Variants in DYM observed in about 807,000 individuals in gnomAD.
The protein encoded by DYM is dyggve-Melchior-Clausen syndrome protein.
In DYM, 78 loss-of-function variants were observed where a neutral mutation model predicts 93.1. The ratio of observed to expected loss-of-function variants is 0.84; its 90% confidence interval spans 0.70 to 1.01. The LOEUF (loss-of-function observed/expected upper bound fraction) is 1.01. Among genes scored for constraint, DYM ranks in the 50% least tolerant of loss-of-function variants. DYM has a pLI of 0.00. For missense variants in DYM, 789 were observed against 845.0 expected (o/e 0.93, Z 0.82); for synonymous variants, 321 against 319.7 (o/e 1.00, Z -0.04).
At chr18:49,210,518 A>G (rs933761566) in intron 13 of DYM, among the ~76,000 whole-genome samples, 2 of 152,226 alleles carry the variant, frequency 1.3e-5, no homozygotes, top group Non-Finnish European at 2.9e-5. Context: ...GGAGACAGCA[A>G]AAAGATTAGG....
At chr18:49,108,463 T>A (rs1047980426) in intron 16 of DYM, among the ~76,000 whole-genome samples, 1 of 152,226 alleles carries the variant, frequency 6.6e-6, no homozygotes, top group Non-Finnish European at 1.5e-5. Flanking sequence ...GTATCTCAGT[T>A]GGAAATGCAG....
At chr18:49,101,531 A>G (rs1285058567) in intron 16 of DYM, among the ~76,000 whole-genome samples, 3 of 152,186 alleles carry the variant, frequency 2.0e-5, no homozygotes, top group Non-Finnish European at 4.4e-5. Context: ...TAGAAATGAG[A>G]AGCTTTTCTG....
chr18:49,138,024 C>G (rs2144315758), intron 15 of DYM, among the ~76,000 whole-genome samples: 1 of 152,144 alleles, frequency 6.6e-6, no homozygotes, highest in African/African-American at 2.4e-5. Flanking sequence ...AGTATAAAAC[C>G]AATGTGTGTA....
At chr18:49,123,203 T>C (rs1482671652) in intron 15 of DYM, among the ~76,000 whole-genome samples, 1 of 152,202 alleles carries the variant, frequency 6.6e-6, no homozygotes, top group African/African-American at 2.4e-5. Flanking sequence ...CTATTGTTAA[T>C]TTCCGCATGT....
At chr18:49,272,403 C>G in intron 10 of DYM, 100 bp from the exon 11 acceptor site, 1 of 840,140 alleles carries the variant, frequency 1.2e-6, no homozygotes, top group Non-Finnish European at 1.9e-6. Context: ...GCTTTAATAT[C>G]AGTTATATTT....
At chr18:49,195,872 C>A (rs2091389294) in intron 14 of DYM, among the ~76,000 whole-genome samples, 1 of 149,664 alleles carries the variant, frequency 6.7e-6, no homozygotes, top group East Asian at 1.9e-4. Flanking sequence ...AGAACTACAA[C>A]CAAATACTTC....
At chr18:49,268,654 G>C (rs1397905285) in intron 11 of DYM, among the ~76,000 whole-genome samples, 1 of 152,036 alleles carries the variant, frequency 6.6e-6, no homozygotes, top group African/African-American at 2.4e-5. Context: ...TGATTATTTT[G>C]TTATTGCTGC....
intron 14 of DYM, among the ~76,000 whole-genome samples, chr18:49,184,177 G>T (rs1167239270): frequency 6.6e-6 from 1 of 152,060 alleles, no homozygotes; most frequent in Non-Finnish European, 1.5e-5. Context: ...GCAAGTTAGG[G>T]CTCTTGGGTC....
intron 8 of DYM, among the ~76,000 whole-genome samples, chr18:49,309,961 T>A (rs888005508): frequency 1.3e-5 from 2 of 152,294 alleles, no homozygotes; most frequent in East Asian, 3.9e-4. Flanking sequence ...AACATAATGG[T>A]TCAGTGTATA....
rs146709486 is a variant in DYM at position 49,078,493 on chromosome 18, T to C, written c.2025+18909A>G. 1.8e-4 allele frequency among the ~76,000 whole-genome samples: 28 copies of C among 152,278 alleles called. No homozygotes were observed. In the East Asian group the frequency reaches 2.5e-3, roughly 14 times the overall value. On this transcript the variant is annotated intron_variant, in intron 17 of 17. Coordinates refer to ENST00000675505, the MANE Select transcript of DYM (RefSeq NM_001353214.3). ...TCCTATATACTATAGTTGTTATATA[T>C]ACATCTACATAGATTATAAATCCTA... is the stretch of plus-strand genomic sequence containing the variant.
intron 14 of DYM, among the ~76,000 whole-genome samples, chr18:49,183,894 ATC>A (rs529449094): frequency 2.0e-5 from 3 of 152,002 alleles, no homozygotes; most frequent in Non-Finnish European, 4.4e-5. Context: ...GACACCACAG[ATC>A]TCTCTCTCTG....
intron 5 of DYM, among the ~76,000 whole-genome samples, chr18:49,368,189 A>G (rs2066684599): frequency 1.3e-5 from 2 of 152,196 alleles, no homozygotes; most frequent in African/African-American, 2.4e-5. Flanking sequence ...TCAAACAGAA[A>G]TGTTTCTAAT....
intron 14 of DYM, among the ~76,000 whole-genome samples, chr18:49,166,989 CGTGTGTGTGTGTGTGT>C (rs61299099): frequency 4.4e-4 from 62 of 142,026 alleles, no homozygotes; most frequent in South Asian, 9.8e-4. Context: ...TCTCACATTC[CGTGTGTGTGTGTGTGT>C]GTGTGTGTGT....
chr18:49,351,303 G>A (rs2065103174), intron 6 of DYM, among the ~76,000 whole-genome samples: 1 of 151,974 alleles, frequency 6.6e-6, no homozygotes, highest in African/African-American at 2.4e-5. Flanking sequence ...CCCGGGAGGT[G>A]GAGGTTGCAA....
rs1400623185 is a variant in DYM, at chr18:49,286,454, A to G, written c.926T>C (p.Met309Thr). The change falls in exon 9 of 18, where the codon ATG (methionine) becomes ACG (threonine). Residue 309 changes from methionine to threonine, a missense_variant. Physicochemically the swap from Met to Thr is moderately conservative, Grantham distance 81. Coordinates refer to ENST00000675505, the MANE Select transcript of DYM (RefSeq NM_001353214.3). ...DAPNPYRQAI[M>T]SFKNTQDSSP... Reference sequence around the variant, plus strand: ...CAAACCTTGTGTGTTCTTGAAGGACATAATGGCTTGTCTGTAGGGGTTTGG... The same window carrying G: ...CAAACCTTGTGTGTTCTTGAAGGACGTAATGGCTTGTCTGTAGGGGTTTGG... 2 of 1,614,218 alleles carry G rather than the reference A, an allele frequency of 1.2e-6. No individual in the cohort carries two copies. The highest frequency in any genetic ancestry group is 8.5e-7 in the Non-Finnish European group (1 of 1,180,008).
At chr18:49,263,683 C>T (rs1257966220) in intron 11 of DYM, among the ~76,000 whole-genome samples, 3 of 151,842 alleles carry the variant, frequency 2.0e-5, no homozygotes, top group Middle Eastern at 3.2e-3. Context: ...AAGCCAAGAT[C>T]GTGCCACTGC....
rs796309537 is a variant in DYM, at chr18:49,149,331, C to T, written c.1728+14354G>A. Among the ~76,000 whole-genome samples the T allele has an allele frequency of 2.7e-4, 41 of 152,130 alleles. 1 individual carries two copies. The highest frequency in any genetic ancestry group is 9.6e-4 in the African/African-American group (40 of 41,490). On this transcript the variant is annotated intron_variant, in intron 15 of 17. Coordinates refer to ENST00000675505, the MANE Select transcript of DYM (RefSeq NM_001353214.3). ...ATACTGGTCCATGAGAACACACTTC[C>T]CTTAGATATCTACAAAGCTCATTCC...
chr18:49,441,153 A>T (rs62636863), intron 1 of DYM, among the ~76,000 whole-genome samples: 3 of 6,354 alleles, frequency 4.7e-4, no homozygotes, highest in African/African-American at 8.9e-4. Flanking sequence ...ATATAATATA[A>T]TATATATTAT....
intron 15 of DYM, among the ~76,000 whole-genome samples, chr18:49,140,033 T>C (rs933352731): frequency 4.6e-5 from 7 of 152,194 alleles, no homozygotes; most frequent in African/African-American, 1.7e-4. Flanking sequence ...CCACAGGCTT[T>C]TGAACAATGG....
Sources: gnomAD v4.1 joint callset for allele counts (sites outside exome capture counted in the v4.1 genomes callset) on GRCh38, gnomAD v4.1.1 for gene constraint, MANE v1.5 for transcripts, NCBI Gene and HGNC (gene_info 2026-07-23, HGNC 2026-07-21) for gene names.